Variants in PTK2 observed in about 807,000 individuals in gnomAD.
PTK2 encodes the protein protein tyrosine kinase 2, also known as focal adhesion kinase 1.
Under a neutral mutation model 150.1 loss-of-function variants are expected in PTK2, and 45 were observed. The observed-to-expected ratio is 0.30, with a 90% CI of 0.24 to 0.38. The LOEUF is 0.38. Ranked by LOEUF, PTK2 falls within the 10% of genes least tolerant of loss-of-function variation. The pLI is 1.00. For synonymous variants in PTK2, 432 were observed against 449.2 expected (o/e 0.96, Z 0.48); for missense variants, 919 against 1,307.3 (o/e 0.70, Z 4.58).
Position 140,828,229 on chromosome 8 carries a change from T to C in PTK2, c.648+2243A>G, listed in dbSNP as rs534910793. Among the ~76,000 whole-genome samples the C allele has an allele frequency of 2.0e-5, 3 of 150,932 alleles. No homozygotes were observed. In the South Asian group the frequency reaches 6.3e-4, roughly 32 times the overall value. Reference sequence around the variant, plus strand: ...TAAGATACTAAACAGGGTCCCAAGATTGAAGGGAGTATTTTGCCATTTCCA... The same window carrying C: ...TAAGATACTAAACAGGGTCCCAAGACTGAAGGGAGTATTTTGCCATTTCCA... On this transcript the variant is annotated intron_variant, in intron 8 of 31. Transcript: ENST00000522684.
At chr8:140,911,231 T>C (rs546111252) in intron 2 of PTK2, among the ~76,000 whole-genome samples, 65 of 152,230 alleles carry the variant, frequency 4.3e-4, no homozygotes, top group African/African-American at 1.5e-3. Flanking sequence ...CTTTTTTTTC[T>C]GGCAATTTTA....
chr8:140,891,651 G>A (rs2100154291), intron 2 of PTK2, among the ~76,000 whole-genome samples: 1 of 152,188 alleles, frequency 6.6e-6, no homozygotes, highest in Non-Finnish European at 1.5e-5. Context: ...GGCAGCAAGG[G>A]ATCAAATCTT....
chr8:140,680,309 C>A (rs1302703075), intron 27 of PTK2, among the ~76,000 whole-genome samples: 1 of 152,120 alleles, frequency 6.6e-6, no homozygotes, highest in Non-Finnish European at 1.5e-5. Context: ...CTTACTGCAA[C>A]CTCCGCCTCC....
At chr8:140,821,591 A>AG (rs1260637654) in intron 8 of PTK2, 1 of 152,272 alleles carries the variant, frequency 6.6e-6, no homozygotes, top group Non-Finnish European at 1.5e-5. Flanking sequence ...CTAAGTCTGG[A>AG]GCTCAGGAGA....
intron 2 of PTK2, among the ~76,000 whole-genome samples, chr8:140,898,697 C>G (rs1568433974): frequency 6.6e-6 from 1 of 152,158 alleles, no homozygotes. Context: ...AAACACCCTA[C>G]TCTTTACTCC....
chr8:140,929,644 C>T (rs748995239), intron 1 of PTK2, among the ~76,000 whole-genome samples: 2 of 152,126 alleles, frequency 1.3e-5, no homozygotes, highest in Non-Finnish European at 2.9e-5. Context: ...GCATGCAACT[C>T]CAAAGCCCAA....
At chr8:140,708,325 C>A (rs1345390901) in intron 23 of PTK2, among the ~76,000 whole-genome samples, 1 of 152,106 alleles carries the variant, frequency 6.6e-6, no homozygotes. Flanking sequence ...TATACTGTCC[C>A]CTCTGCCTGG....
intron 26 of PTK2, among the ~76,000 whole-genome samples, chr8:140,697,320 A>C (rs150526579): frequency 2.6e-3 from 402 of 151,944 alleles, no homozygotes; most frequent in Middle Eastern, 0.01. Context: ...AACAAACAAA[A>C]AAAAAAACAC....
chr8:140,802,671 T>C (rs1240817579), intron 11 of PTK2, among the ~76,000 whole-genome samples: 1 of 152,188 alleles, frequency 6.6e-6, no homozygotes, highest in Non-Finnish European at 1.5e-5. Flanking sequence ...TATGCAGGTG[T>C]AACATTTTTT....
intron 4 of PTK2, among the ~76,000 whole-genome samples, chr8:140,871,988 C>T (rs934062129): frequency 6.6e-6 from 1 of 152,080 alleles, no homozygotes; most frequent in Admixed American, 6.5e-5. Flanking sequence ...GTGGGCAGAT[C>T]ATGAGGTCAG....
chr8:140,891,933 T>C (rs948177105), intron 2 of PTK2, among the ~76,000 whole-genome samples: 2 of 152,186 alleles, frequency 1.3e-5, no homozygotes, highest in Non-Finnish European at 2.9e-5. Flanking sequence ...AGGCCAGGTA[T>C]GGCTGCTCAT....
At chr8:140,977,852 G>T (rs1165283055) in intron 1 of PTK2, among the ~76,000 whole-genome samples, 1 of 152,012 alleles carries the variant, frequency 6.6e-6, no homozygotes, top group Admixed American at 6.6e-5. Context: ...TTAAAATTAA[G>T]AACTTTAGTT....
intron 4 of PTK2, among the ~76,000 whole-genome samples, chr8:140,877,099 C>A (rs1026608482): frequency 1.5e-5 from 2 of 129,638 alleles, no homozygotes; most frequent in Admixed American, 1.9e-4. Flanking sequence ...ATGGCATGAT[C>A]TCGGCTCACT....
At chr8:140,735,751 G>A (rs142740253) in intron 21 of PTK2, among the ~76,000 whole-genome samples, 5 of 152,262 alleles carry the variant, frequency 3.3e-5, no homozygotes, top group Non-Finnish European at 2.9e-5. Context: ...GTGGTACTTC[G>A]TGGCTTAATG....
rs144599796 is a variant in PTK2 at position 140,786,095 on chromosome 8, G to A, written c.1177+3379C>T. 6.6e-3 allele frequency among the ~76,000 whole-genome samples: 1,007 copies of A among 152,276 alleles called. 6 individuals carry two copies. Among genetic ancestry groups the A allele is most frequent in the Middle Eastern group, 0.017 (5 of 294 alleles). On this transcript the variant is annotated intron_variant, in intron 14 of 31. Transcript: ENST00000522684. ...CAGTATCTAGAATAGTGCTCAGCAC[G>A]CTGCAGGCACTCAAGAACTATCTGT... is the stretch of plus-strand genomic sequence containing the variant.
At chr8:140,881,229 TCC>T (rs1193184124) in intron 3 of PTK2, among the ~76,000 whole-genome samples, 2 of 152,162 alleles carry the variant, frequency 1.3e-5, no homozygotes, top group Non-Finnish European at 1.5e-5. Context: ...CACAAGGATA[TCC>T]AGCTGAGGGT....
rs942070849 is a variant in PTK2, at chr8:140,928,516, G to A, written c.-121-2767C>T. ...AGATATTCAAACACCCATATTCATA[G>A]CAGCATTATTCACAATAGCCAAAAG... On this transcript the variant is annotated intron_variant, in intron 1 of 31. Transcript: ENST00000522684. 1.3e-5 allele frequency among the ~76,000 whole-genome samples: 2 copies of A among 152,168 alleles called. 1 individual carries two copies. Among genetic ancestry groups the A allele is most frequent in the Non-Finnish European group, 2.9e-5 (2 of 68,042 alleles).
chr8:140,704,445 A>C (rs894339506), intron 24 of PTK2, among the ~76,000 whole-genome samples: 14 of 152,228 alleles, frequency 9.2e-5, no homozygotes, highest in Non-Finnish European at 1.9e-4. Context: ...CTGGTGACAG[A>C]CAGCCACTAA....
At chr8:140,803,214 C>A (rs1333454371) in intron 11 of PTK2, among the ~76,000 whole-genome samples, 1 of 151,662 alleles carries the variant, frequency 6.6e-6, no homozygotes, top group Non-Finnish European at 1.5e-5. Flanking sequence ...AGGGTTTCAC[C>A]ATGTGAACCC....
Sources: allele counts gnomAD v4.1 joint callset (sites outside exome capture counted in the v4.1 genomes callset), GRCh38; gene constraint gnomAD v4.1.1; transcripts MANE v1.5; gene names NCBI Gene and HGNC (gene_info 2026-07-23, HGNC 2026-07-21).